Variants in ANKRD11 observed in about 807,000 individuals in gnomAD.
ANKRD11 encodes the protein ankyrin repeat domain-containing protein 11.
Under a neutral mutation model 195.7 loss-of-function variants are expected in ANKRD11, and 17 were observed. The observed-to-expected ratio is 0.09, with a 90% confidence interval of 0.06 to 0.13. The LOEUF (loss-of-function observed/expected upper bound fraction) is 0.13, where lower values mean the gene tolerates loss of function less well. Among genes scored for constraint, ANKRD11 ranks in the 10% least tolerant of loss-of-function variants. The pLI is 1.00. For synonymous variants in ANKRD11, 1,953 were observed against 1,528.1 expected (o/e 1.28, Z -6.49); for missense variants, 3,735 against 3,566.1 (o/e 1.05, Z -1.21).
chr16:89,386,958 G>C (rs1187050712), intron 2 of ANKRD11, among the ~76,000 whole-genome samples: 1 of 151,960 alleles, frequency 6.6e-6, no homozygotes, highest in Non-Finnish European at 1.5e-5. Context: ...GCTTGGCAGT[G>C]AGGGCAGGAG....
chr16:89,307,542 C>T (rs556019568), intron 3 of ANKRD11, among the ~76,000 whole-genome samples: 19 of 152,154 alleles, frequency 1.2e-4, no homozygotes, highest in African/African-American at 3.6e-4. Context: ...TCTGGGGAGA[C>T]GGGGCCTCAG....
chr16:89,396,935 C>A (rs930452369), intron 2 of ANKRD11, among the ~76,000 whole-genome samples: 2 of 130,988 alleles, frequency 1.5e-5, no homozygotes, highest in Admixed American at 8.3e-5. Context: ...GATCCAGCTG[C>A]CTCGGTTTCC....
At chr16:89,388,450 T>C (rs1220785941) in intron 2 of ANKRD11, among the ~76,000 whole-genome samples, 2 of 152,020 alleles carry the variant, frequency 1.3e-5, no homozygotes, top group Non-Finnish European at 2.9e-5. Flanking sequence ...TGATTTTTAA[T>C]GTCTTGAAAA....
In ANKRD11 at chr16:89,349,134, T is replaced by TAAAA. The variant is rs59621400; in HGVS notation, c.-59-32060_-59-32057dup. ...CAGAGTAAAACACTGTCTCAAAAAGTAAAAAAAAAAAAAAAAAAAAAAAAA... is the reference window on the plus strand; with the variant it reads ...CAGAGTAAAACACTGTCTCAAAAAGTAAAAAAAAAAAAAAAAAAAAAAAAAAAAA... On this transcript the variant is annotated intron_variant, in intron 2 of 12. Transcript: ENST00000301030. Among the ~76,000 whole-genome samples, 128 of 16,562 alleles carry TAAAA rather than the reference T, an allele frequency of 7.7e-3. 8 individuals carry two copies. Among genetic ancestry groups the TAAAA allele is most frequent in the Non-Finnish European group, 9.5e-3 (100 of 10,558 alleles). 10.9% of individuals were successfully genotyped at this position (16,562 alleles called of 152,430 possible).
At chr16:89,317,612 T>C (rs1199312418) in intron 2 of ANKRD11, among the ~76,000 whole-genome samples, 1 of 152,114 alleles carries the variant, frequency 6.6e-6, no homozygotes, top group Admixed American at 6.5e-5. Context: ...CCTAACTTGG[T>C]AGGCAAGGGG....
In ANKRD11 at chr16:89,349,629, C is replaced by T. The variant is rs137974765; in HGVS notation, c.-59-32551G>A. 3.6e-3 allele frequency among the ~76,000 whole-genome samples: 543 copies of T among 152,170 alleles called. 4 individuals are homozygous for T. The highest frequency in any genetic ancestry group is 0.012 in the African/African-American group (502 of 41,510). ...CAAAAAACAAAAACCTCTAACCTTA[C>T]CTTATGCCATACACAAAAATTATTT... is the stretch of plus-strand genomic sequence containing the variant. On this transcript the variant is annotated intron_variant, in intron 2 of 12. Transcript: ENST00000301030.
intron 1 of ANKRD11, 28 bp from the exon 2 acceptor site, chr16:89,418,396 T>C (rs1229002239): frequency 1.2e-5 from 5 of 426,944 alleles, no homozygotes; most frequent in Admixed American, 2.5e-5. Context: ...GATTAGCTCA[T>C]GTCAATAATA....
chr16:89,288,680 G>C lies in ANKRD11; in HGVS notation c.602-10C>G, dbSNP rs2034820839. On this transcript the variant is annotated splice_polypyrimidine_tract_variant and intron_variant, in intron 6 of 12. Coordinates refer to ENST00000301030, the MANE Select transcript of ANKRD11 (RefSeq NM_013275.6). Reference sequence around the variant, plus strand: ...TGCAGCGCCGTCCAGCCTGGAAACAGACACTCAGGACGTACGTTATTTAAT... The same window carrying C: ...TGCAGCGCCGTCCAGCCTGGAAACACACACTCAGGACGTACGTTATTTAAT... 6.2e-7 allele frequency: 1 copy of C among 1,613,908 alleles called. No homozygotes were observed. The highest frequency in any genetic ancestry group is 1.7e-5 in the Admixed American group (1 of 60,008).
Position 89,285,203 on chromosome 16 carries a change from G to C in ANKRD11, c.1339C>G (p.Gln447Glu), listed in dbSNP as rs2034563899. 1.2e-6 allele frequency: 2 copies of C among 1,613,410 alleles called. No homozygotes were observed. The highest frequency in any genetic ancestry group is 1.7e-5 in the Admixed American group (1 of 59,978). ...TTCACTTTATTTTTTTCCTTCTGCT[G>C]CTTGGCATTAGAAGGCTCTCGTGTC... is the stretch of plus-strand genomic sequence containing the variant. ...SKTREPSNAK[Q>E]QKEKNKVKKK... The change falls in exon 9 of 13, where the codon CAG (glutamine) becomes GAG (glutamate). Residue 447 changes from glutamine (Q) to glutamate (E), a missense_variant. Transcript: ENST00000301030. This position sits in a 1 kb window ranked among gnomAD's most constrained non-coding sequence, Gnocchi z 5.6.
chr16:89,370,193 G>T (rs1166849820), intron 2 of ANKRD11, among the ~76,000 whole-genome samples: 1 of 152,252 alleles, frequency 6.6e-6, no homozygotes, highest in Non-Finnish European at 1.5e-5. Flanking sequence ...CTGGAGCTGG[G>T]GTGGAGCTGC....
chr16:89,417,136 G>C (rs530063151), intron 2 of ANKRD11, among the ~76,000 whole-genome samples: 1 of 152,150 alleles, frequency 6.6e-6, no homozygotes, highest in Non-Finnish European at 1.5e-5. Flanking sequence ...TCCAAGGAAA[G>C]AATTCAGTCA....
intron 2 of ANKRD11, among the ~76,000 whole-genome samples, chr16:89,334,297 C>G (rs147539425): frequency 1.3e-5 from 2 of 152,042 alleles, no homozygotes; most frequent in Non-Finnish European, 2.9e-5. Context: ...AGTCAACCCC[C>G]AGTGAGTGTA....
intron 2 of ANKRD11, among the ~76,000 whole-genome samples, chr16:89,383,689 C>T (rs2040765853): frequency 6.6e-6 from 1 of 151,616 alleles, no homozygotes; most frequent in Admixed American, 6.6e-5. Context: ...CAGCAGACGT[C>T]CAGCCCCTGC....
intron 2 of ANKRD11, among the ~76,000 whole-genome samples, chr16:89,349,107 G>C (rs1247403367): frequency 8.9e-5 from 5 of 56,266 alleles, no homozygotes; most frequent in Non-Finnish European, 1.3e-4. Flanking sequence ...TAGCCTGGGG[G>C]ACAGAGTAAA....
chr16:89,292,082 C>G (rs1003992602), intron 4 of ANKRD11, among the ~76,000 whole-genome samples: 1 of 152,156 alleles, frequency 6.6e-6, no homozygotes, highest in African/African-American at 2.4e-5. Flanking sequence ...AGCTGCCCTG[C>G]GGGTTCTGGG....
Position 89,284,418 on chromosome 16 carries a change from T to C in ANKRD11, c.2124A>G (p.Lys708=). The C allele has an allele frequency of 6.2e-7, 1 of 1,613,532 alleles. No homozygotes were observed. The highest frequency in any genetic ancestry group is 1.3e-5 in the African/African-American group (1 of 74,980). The change falls in exon 9 of 13, where the codon AAA becomes AAG. Residue 708 remains lysine (K), a synonymous_variant. Transcript: ENST00000301030. ...EKLSKMKLEE[K]EWLFKDEKSL... ...ATTTTTCATCTTTAAAGAGCCATTCTTTTTCTTCTAATTTCATTTTGCTAA... is the reference window on the plus strand; with the variant it reads ...ATTTTTCATCTTTAAAGAGCCATTCCTTTTCTTCTAATTTCATTTTGCTAA...
At chr16:89,456,393 A>T (rs1416846902) in intron 1 of ANKRD11, among the ~76,000 whole-genome samples, 1 of 151,506 alleles carries the variant, frequency 6.6e-6, no homozygotes. Flanking sequence ...TACTAAAAAT[A>T]GAAAATTAGC....
intron 1 of ANKRD11, among the ~76,000 whole-genome samples, chr16:89,442,700 C>G (rs1038648286): frequency 6.6e-6 from 1 of 152,224 alleles, no homozygotes; most frequent in South Asian, 2.1e-4. Flanking sequence ...TTCCTCCCCA[C>G]CACCCACCAG....
intron 4 of ANKRD11, among the ~76,000 whole-genome samples, chr16:89,304,232 C>G (rs762041783): frequency 2.2e-4 from 34 of 152,212 alleles, no homozygotes; most frequent in Non-Finnish European, 4.3e-4. Flanking sequence ...GCTGACCCCA[C>G]CAGGAGCGTG....
Sources: allele counts gnomAD v4.1 joint callset (sites outside exome capture counted in the v4.1 genomes callset), GRCh38; gene constraint gnomAD v4.1.1; non-coding constraint Gnocchi (gnomAD v3.1); transcripts MANE v1.5; gene names NCBI Gene and HGNC (gene_info 2026-07-23, HGNC 2026-07-21).